The following PCDH11X variants were observed in gnomAD, a reference collection of about 807,000 sequenced individuals.
The protein encoded by PCDH11X is protocadherin-11 X-linked.
PCDH11X carries 18 observed loss-of-function variants against 53.3 expected under a neutral mutation model. The ratio of observed to expected loss-of-function variants is 0.34; its 90% confidence interval spans 0.23 to 0.50. The LOEUF (loss-of-function observed/expected upper bound fraction) is 0.50. Among genes scored for constraint, PCDH11X ranks in the 20% least tolerant of loss-of-function variants. The pLI, the probability that PCDH11X is intolerant of heterozygous loss-of-function variation, is 0.98. For synonymous variants in PCDH11X, 279 were observed against 393.3 expected (o/e 0.71, Z 3.44); for missense variants, 570 against 1,032.4 (o/e 0.55, Z 6.14).
intron 10 of PCDH11X, among the ~76,000 whole-genome samples, chrX:92,515,793 CAAT>C (rs2074260158): frequency 1.8e-5 from 2 of 110,005 alleles, no homozygotes; most frequent in African/African-American, 3.3e-5. Context: ...TGTACAATAG[CAAT>C]AATAATAATA....
intron 6 of PCDH11X, among the ~76,000 whole-genome samples, chrX:92,100,936 T>C (rs927759081): frequency 1.8e-5 from 2 of 110,999 alleles, no homozygotes; most frequent in Admixed American, 9.6e-5. Flanking sequence ...GGTGATGGCC[T>C]GGATACGGTT....
intron 7 of PCDH11X, among the ~76,000 whole-genome samples, chrX:92,256,494 T>A (rs1396051574): frequency 8.9e-6 from 1 of 111,880 alleles, no homozygotes; most frequent in Non-Finnish European, 1.9e-5. Flanking sequence ...TGAACCATCC[T>A]TGCATTCCTG....
intron 1 of PCDH11X, among the ~76,000 whole-genome samples, chrX:91,803,363 T>G (rs773442420): frequency 1.8e-5 from 2 of 109,626 alleles, no homozygotes; most frequent in Non-Finnish European, 3.8e-5. Flanking sequence ...ATCTTTTTCA[T>G]TTTTTTTTCT....
chrX:92,381,089 A>G (rs1460827036), intron 8 of PCDH11X, among the ~76,000 whole-genome samples: 2 of 98,214 alleles, frequency 2.0e-5, no homozygotes, highest in African/African-American at 7.5e-5. Flanking sequence ...AGTTGATTAC[A>G]ATTCCTCCCC....
At chrX:92,375,763 A>G (rs2070739405) in intron 8 of PCDH11X, among the ~76,000 whole-genome samples, 1 of 108,249 alleles carries the variant, frequency 9.2e-6, no homozygotes, top group African/African-American at 3.4e-5. Flanking sequence ...AGCTGGGATT[A>G]CAGGCACCCG....
intron 10 of PCDH11X, among the ~76,000 whole-genome samples, chrX:92,613,926 A>G (rs1927685729): frequency 9.1e-6 from 1 of 109,915 alleles, no homozygotes; most frequent in South Asian, 3.8e-4. Flanking sequence ...TCTGCTTGGT[A>G]CAGTCTATTG....
chrX:91,982,773 C>T (rs1438340214), intron 6 of PCDH11X: 4 of 674,528 alleles, frequency 5.9e-6, no homozygotes, highest in Non-Finnish European at 9.8e-6. Context: ...GTATCCTAAA[C>T]CTATCAGGCT....
intron 10 of PCDH11X, among the ~76,000 whole-genome samples, chrX:92,540,249 T>C (rs773015833): frequency 8.8e-4 from 97 of 110,400 alleles, no homozygotes; most frequent in African/African-American, 3.1e-3. Context: ...TTCTACTTTG[T>C]GTAAGCTGGC....
chrX:92,100,519 T>C (rs1293785415), intron 6 of PCDH11X, among the ~76,000 whole-genome samples: 1 of 110,510 alleles, frequency 9.0e-6, no homozygotes, highest in Non-Finnish European at 1.9e-5. Context: ...ATGTCATCAC[T>C]TAAGGCAAGG....
intron 7 of PCDH11X, among the ~76,000 whole-genome samples, chrX:92,240,589 A>T (rs1411929875): frequency 8.9e-6 from 1 of 112,018 alleles, no homozygotes; most frequent in South Asian, 3.7e-4. Context: ...ATTCTGCCTG[A>T]AACAACACAC....
intron 6 of PCDH11X, among the ~76,000 whole-genome samples, chrX:92,135,312 A>G (rs1384257829): frequency 9.0e-6 from 1 of 111,503 alleles, no homozygotes; most frequent in South Asian, 3.7e-4. Context: ...AGCATCATTC[A>G]TTGTCTCATC....
At chrX:92,302,146 C>A (rs1379716915) in intron 8 of PCDH11X, among the ~76,000 whole-genome samples, 1 of 111,482 alleles carries the variant, frequency 9.0e-6, no homozygotes, top group South Asian at 3.8e-4. Context: ...GCTGCATTTA[C>A]CTGAAACTTA....
chrX:92,599,068 AG>A lies in PCDH11X; in HGVS notation c.3368-19193del, dbSNP rs936488732. Reference sequence around the variant, plus strand: ...ATAGTAGAGAAAGTGAGTGGGTGGCAGGGATGGTTAATCATTCCAAAAAGTA... The same window carrying A: ...ATAGTAGAGAAAGTGAGTGGGTGGCAGGATGGTTAATCATTCCAAAAAGTA... On this transcript the variant is annotated intron_variant, in intron 10 of 10. Coordinates refer to ENST00000682573, the MANE Select transcript of PCDH11X (RefSeq NM_032968.5). Among the ~76,000 whole-genome samples the A allele has an allele frequency of 1.1e-4, 12 of 111,571 alleles. No homozygotes were observed. The Admixed American group carries it at 1.1e-3, about 11-fold the overall frequency.
chrX:92,212,428 G>C (rs1053444113), intron 7 of PCDH11X, among the ~76,000 whole-genome samples: 2 of 111,555 alleles, frequency 1.8e-5, no homozygotes, highest in Non-Finnish European at 3.8e-5. Flanking sequence ...TCGGTTCACT[G>C]CAACCTCCAC....
intron 7 of PCDH11X, among the ~76,000 whole-genome samples, chrX:92,231,798 T>C (rs1252466149): frequency 8.9e-6 from 1 of 112,115 alleles, no homozygotes; most frequent in Non-Finnish European, 1.9e-5. Flanking sequence ...TAAGTTCTTA[T>C]GGACATTGGC....
At chrX:92,021,913 C>T (rs1185309451) in intron 6 of PCDH11X, among the ~76,000 whole-genome samples, 2 of 108,750 alleles carry the variant, frequency 1.8e-5, no homozygotes, top group African/African-American at 6.7e-5. Flanking sequence ...TCATATCCAG[C>T]CAAACTAAGC....
chrX:91,948,560 A>C (rs756362368), intron 6 of PCDH11X, among the ~76,000 whole-genome samples: 1 of 111,013 alleles, frequency 9.0e-6, no homozygotes, highest in Admixed American at 9.7e-5. Flanking sequence ...TGTTGCAATC[A>C]GATGATACAT....
At chrX:92,310,598 A>AC (rs2148480938) in intron 8 of PCDH11X, among the ~76,000 whole-genome samples, 1 of 110,081 alleles carries the variant, frequency 9.1e-6, no homozygotes, top group East Asian at 2.9e-4. Context: ...CATGTTAGCC[A>AC]GTCTGGTCTC....
intron 10 of PCDH11X, among the ~76,000 whole-genome samples, chrX:92,498,834 A>G (rs1490398647): frequency 9.4e-6 from 1 of 106,133 alleles, no homozygotes; most frequent in African/African-American, 3.4e-5. Context: ...AAAATACCCA[A>G]TGAAAGATAA....
Sources: allele counts gnomAD v4.1 joint callset (sites outside exome capture counted in the v4.1 genomes callset), GRCh38; gene constraint gnomAD v4.1.1; transcripts MANE v1.5; gene names NCBI Gene and HGNC (gene_info 2026-07-23, HGNC 2026-07-21).